Variants in ME3 observed in about 807,000 individuals in gnomAD.
The protein encoded by ME3 is malic enzyme 3.
ME3 carries 48 observed loss-of-function variants against 68.9 expected under a neutral mutation model. The ratio of observed to expected loss-of-function variants is 0.70; its 90% CI spans 0.55 to 0.89. ME3 has a LOEUF of 0.89. Among genes scored for constraint, ME3 ranks in the 40% least tolerant of loss-of-function variants. The pLI is 0.00. For missense variants in ME3, 675 were observed against 797.4 expected (o/e 0.85, Z 1.85); for synonymous variants, 320 against 318.8 (o/e 1.00, Z -0.04).
At chr11:86,441,636 A>G (rs558359436) in intron 14 of ME3, among the ~76,000 whole-genome samples, 196 bp from the exon 15 acceptor site, 1 of 152,296 alleles carries the variant, frequency 6.6e-6, no homozygotes, top group East Asian at 1.9e-4. Context: ...ACATAGTGGA[A>G]TAAATACTGA....
chr11:86,521,455 A>AATAATAATAATAATAAT (rs57608294), intron 4 of ME3, among the ~76,000 whole-genome samples: 45 of 114,622 alleles, frequency 3.9e-4, no homozygotes, highest in African/African-American at 6.9e-4. Flanking sequence ...ATAATAATAA[A>AATAATAATAATAATAAT]AAAATGGAGC....
chr11:86,521,986 A>G (rs1194922211), intron 4 of ME3, among the ~76,000 whole-genome samples: 1 of 152,228 alleles, frequency 6.6e-6, no homozygotes, highest in Non-Finnish European at 1.5e-5. Flanking sequence ...ATGGTGACTC[A>G]TACCTGTAAT....
chr11:86,530,698 A>G (rs1012324030), intron 4 of ME3, among the ~76,000 whole-genome samples: 9 of 152,210 alleles, frequency 5.9e-5, no homozygotes, highest in Admixed American at 5.9e-4. Context: ...AATGCTGCTT[A>G]TCTACAACCA....
At chr11:86,490,866 C>T (rs966271300) in intron 6 of ME3, among the ~76,000 whole-genome samples, 5 of 152,116 alleles carry the variant, frequency 3.3e-5, no homozygotes, top group African/African-American at 1.2e-4. Flanking sequence ...CCTGCATATG[C>T]AGTTTCTGGG....
At chr11:86,652,816 C>T (rs1945550546) in intron 2 of ME3, among the ~76,000 whole-genome samples, 1 of 151,876 alleles carries the variant, frequency 6.6e-6, no homozygotes, top group Non-Finnish European at 1.5e-5. Context: ...CATAAAGAGT[C>T]AAGACCCATC....
chr11:86,537,717 C>T (rs937549009), intron 4 of ME3, among the ~76,000 whole-genome samples: 3 of 152,218 alleles, frequency 2.0e-5, no homozygotes, highest in African/African-American at 7.2e-5. Context: ...AATTTCTCAG[C>T]CTGTCTTGGA....
At chr11:86,631,362 T>G in intron 2 of ME3, among the ~76,000 whole-genome samples, 1 of 152,178 alleles carries the variant, frequency 6.6e-6, no homozygotes, top group East Asian at 1.9e-4. Flanking sequence ...GTTACAGATC[T>G]AAGTTGGGAT....
At chr11:86,515,839 G>A (rs1953861381) in intron 4 of ME3, among the ~76,000 whole-genome samples, 1 of 152,142 alleles carries the variant, frequency 6.6e-6, no homozygotes, top group Non-Finnish European at 1.5e-5. Flanking sequence ...GTTTAAAGTG[G>A]TATTATCCTG....
chr11:86,458,511 C>T (rs1464200935), intron 8 of ME3, among the ~76,000 whole-genome samples: 1 of 151,940 alleles, frequency 6.6e-6, no homozygotes, highest in Non-Finnish European at 1.5e-5. Flanking sequence ...TCGGCTGTTG[C>T]AACAGCTAAA....
chr11:86,671,975 A>C lies in ME3; in HGVS notation c.-14-17T>G. The C allele has an allele frequency of 7.2e-7, 1 of 1,381,546 alleles. No individual in the cohort carries two copies. Among genetic ancestry groups the C allele is most frequent in the Non-Finnish European group, 9.3e-7 (1 of 1,075,130 alleles). The allele number at this position is 1,381,546 out of a possible 1,614,324, so 85.6% of individuals were successfully genotyped here. ...TTGGCAGACCTGGCACGGGAGAGAA[A>C]GCAAGGTCAGGGCCTCCTTCCAGCC... On this transcript the variant is annotated splice_polypyrimidine_tract_variant and intron_variant, in intron 1 of 14. Transcript: ENST00000543262.
At position 86,498,637 on chromosome 11, in the gene ME3, T is replaced by C. The variant is rs149946736; in HGVS notation, c.544-513A>G. On this transcript the variant is annotated intron_variant, in intron 5 of 14. Transcript: ENST00000543262. The stretch of plus-strand genomic sequence containing the variant: ...GGGCTCCTTGTGACATCTTCTAGGA[T>C]CACTATTGCATATGAAATCAGGAAG... 7.2e-3 allele frequency among the ~76,000 whole-genome samples: 1,103 copies of C among 152,318 alleles called. 7 individuals are homozygous for C. The highest frequency in any genetic ancestry group is 0.02 in the Middle Eastern group (6 of 294).
At chr11:86,524,831 G>T (rs1268979543) in intron 4 of ME3, among the ~76,000 whole-genome samples, 1 of 152,196 alleles carries the variant, frequency 6.6e-6, no homozygotes. Context: ...ATGTCTGAAA[G>T]GATTACTCAT....
At chr11:86,537,301 C>T (rs907859350) in intron 4 of ME3, among the ~76,000 whole-genome samples, 17 of 150,782 alleles carry the variant, frequency 1.1e-4, no homozygotes, top group East Asian at 1.9e-4. Flanking sequence ...AAAAACAGTT[C>T]GAAGTGCTAC....
At chr11:86,474,711 C>T (rs1011339722) in intron 7 of ME3, among the ~76,000 whole-genome samples, 5 of 152,152 alleles carry the variant, frequency 3.3e-5, no homozygotes, top group African/African-American at 9.7e-5. Context: ...CAGTTGCTAG[C>T]GCTTTCCTGG....
intron 4 of ME3, among the ~76,000 whole-genome samples, chr11:86,539,319 T>TA (rs1955889379): frequency 6.6e-6 from 1 of 152,108 alleles, no homozygotes; most frequent in South Asian, 2.1e-4. Context: ...TCTCAAGGTT[T>TA]AGATTAAGAA....
intron 2 of ME3, among the ~76,000 whole-genome samples, chr11:86,628,230 A>G (rs918810184): frequency 6.6e-6 from 1 of 152,228 alleles, no homozygotes; most frequent in Non-Finnish European, 1.5e-5. Flanking sequence ...AATAACAGTC[A>G]GTGTGGTGTG....
At chr11:86,571,476 G>T (rs998882569) in intron 2 of ME3, among the ~76,000 whole-genome samples, 2 of 152,208 alleles carry the variant, frequency 1.3e-5, no homozygotes, top group Non-Finnish European at 2.9e-5. Context: ...CTGTATCTGC[G>T]CTGTCCAATG....
At chr11:86,450,042 A>G in intron 9 of ME3, 40 bp from the exon 10 acceptor site, 2 of 1,443,152 alleles carry the variant, frequency 1.4e-6, no homozygotes, top group East Asian at 2.3e-5. Flanking sequence ...ACACAGGGCA[A>G]ACAGCTGCTG....
chr11:86,657,496 G>A lies in ME3; in HGVS notation c.183+14266C>T, dbSNP rs60711727. ...GGGGTGTGGGGCAAGGGGAGGGATAGCATTACCAGAAATAGCTAATGTAAA... is the reference window on the plus strand; with the variant it reads ...GGGGTGTGGGGCAAGGGGAGGGATAACATTACCAGAAATAGCTAATGTAAA... On this transcript the variant is annotated intron_variant, in intron 2 of 14. Transcript: ENST00000543262. Among the ~76,000 whole-genome samples the A allele has an allele frequency of 7.7e-3, 1,165 of 151,974 alleles. 19 individuals are homozygous for A. Among genetic ancestry groups the A allele is most frequent in the African/African-American group, 0.027 (1,117 of 41,344 alleles).
Sources: allele counts gnomAD v4.1 joint callset (sites outside exome capture counted in the v4.1 genomes callset), GRCh38; gene constraint gnomAD v4.1.1; transcripts MANE v1.5; gene names NCBI Gene and HGNC (gene_info 2026-07-23, HGNC 2026-07-21).